Variants in NELL2 observed in about 807,000 individuals in gnomAD.
The protein encoded by NELL2 is neural EGFL like 2, also known as protein kinase C-binding protein NELL2.
NELL2 carries 41 observed loss-of-function variants against 109.6 expected under a neutral mutation model. The observed-to-expected ratio is 0.37, with a 90% CI of 0.29 to 0.49. The LOEUF (loss-of-function observed/expected upper bound fraction) is 0.49. NELL2 is among the 20% of genes least tolerant of loss of function. NELL2 has a pLI of 0.98. For synonymous variants in NELL2, 355 were observed against 344.7 expected (o/e 1.03, Z -0.33); for missense variants, 900 against 1,008.3 (o/e 0.89, Z 1.45).
intron 3 of NELL2, among the ~76,000 whole-genome samples, chr12:44,789,986 A>G (rs1385617334): frequency 6.6e-6 from 1 of 152,122 alleles, no homozygotes; most frequent in Non-Finnish European, 1.5e-5. Flanking sequence ...ATGTTAAATG[A>G]CCAAACCTAA....
upstream of NELL2, among the ~76,000 whole-genome samples, chr12:44,915,632 A>G (rs1945823184): frequency 6.6e-6 from 1 of 152,194 alleles, no homozygotes; most frequent in Non-Finnish European, 1.5e-5. Flanking sequence ...GGAGATTAAA[A>G]TTCTCTTCCC....
intron 15 of NELL2, among the ~76,000 whole-genome samples, chr12:44,568,606 T>C (rs1163232546): frequency 6.6e-6 from 1 of 152,074 alleles, no homozygotes; most frequent in Non-Finnish European, 1.5e-5. Flanking sequence ...TATATAATAA[T>C]AATAACATAA....
At chr12:44,822,566 A>C (rs540765874) in intron 2 of NELL2, among the ~76,000 whole-genome samples, 1 of 152,350 alleles carries the variant, frequency 6.6e-6, no homozygotes, top group Non-Finnish European at 1.5e-5. Flanking sequence ...TGCTCAGAGA[A>C]AGAGGCTGAG....
chr12:44,737,552 A>G (rs1939715708), intron 9 of NELL2, among the ~76,000 whole-genome samples: 1 of 152,022 alleles, frequency 6.6e-6, no homozygotes, highest in Non-Finnish European at 1.5e-5. Context: ...TTTTTGCCAC[A>G]TACTTCTTAT....
chr12:44,869,052 A>G (rs910400099), intron 2 of NELL2, among the ~76,000 whole-genome samples: 1 of 152,186 alleles, frequency 6.6e-6, no homozygotes, highest in African/African-American at 2.4e-5. Context: ...AACAAAAACA[A>G]AAGTCTCAAA....
intron 15 of NELL2, among the ~76,000 whole-genome samples, chr12:44,565,722 G>C (rs756393880): frequency 6.6e-6 from 1 of 152,156 alleles, no homozygotes; most frequent in Admixed American, 6.5e-5. Context: ...GCATAGGGTT[G>C]TAAGACTTAA....
chr12:44,811,989 C>G (rs55879818), intron 3 of NELL2, among the ~76,000 whole-genome samples: 1 of 151,880 alleles, frequency 6.6e-6, no homozygotes, highest in Non-Finnish European at 1.5e-5. Context: ...ATCTTCCCCC[C>G]AAAAAAACCC....
At chr12:44,767,118 G>A (rs1003901966) in intron 9 of NELL2, among the ~76,000 whole-genome samples, 3 of 152,050 alleles carry the variant, frequency 2.0e-5, no homozygotes, top group African/African-American at 4.8e-5. Context: ...CAGACAAAAG[G>A]GGAGGTCAAT....
intron 1 of NELL2, among the ~76,000 whole-genome samples, chr12:44,903,092 A>G (rs1044127953): frequency 3.3e-5 from 5 of 152,202 alleles, no homozygotes; most frequent in African/African-American, 1.2e-4. Context: ...AAAATAAACT[A>G]TCATCAGAGT....
chr12:44,882,343 A>G (rs1321131004), intron 1 of NELL2, among the ~76,000 whole-genome samples: 1 of 151,774 alleles, frequency 6.6e-6, no homozygotes, highest in African/African-American at 2.4e-5. Context: ...ATGTATGTAT[A>G]TATATATACA....
chr12:44,620,384 G>A (rs530676672), intron 13 of NELL2, among the ~76,000 whole-genome samples: 57 of 152,202 alleles, frequency 3.7e-4, no homozygotes, highest in Middle Eastern at 3.4e-3. Flanking sequence ...ATGCATCATT[G>A]ATCTATAGTG....
chr12:44,729,880 G>A (rs1326044440), intron 9 of NELL2, among the ~76,000 whole-genome samples: 1 of 151,984 alleles, frequency 6.6e-6, no homozygotes, highest in Non-Finnish European at 1.5e-5. Flanking sequence ...TGCAACCTCT[G>A]CCCCTTGGGT....
At position 44,539,272 on chromosome 12, in the gene NELL2, T is replaced by C. The variant is rs185939049; in HGVS notation, c.1664-6551A>G. Among the ~76,000 whole-genome samples the C allele has an allele frequency of 2.1e-3, 325 of 152,300 alleles. 1 individual carries two copies. The highest frequency in any genetic ancestry group is 3.5e-3 in the Non-Finnish European group (237 of 68,018). Reference sequence around the variant, plus strand: ...GTTCAAAAGCATTTTTAATTTGGGCTTTTTGTCCTTCCAAATAAATTTCAG... The same window carrying C: ...GTTCAAAAGCATTTTTAATTTGGGCCTTTTGTCCTTCCAAATAAATTTCAG... On this transcript the variant is annotated intron_variant, in intron 15 of 19. Coordinates refer to ENST00000429094, the MANE Select transcript of NELL2 (RefSeq NM_001145108.2).
upstream of NELL2, among the ~76,000 whole-genome samples, chr12:44,917,446 AT>A (rs1427683043): frequency 3.3e-5 from 5 of 152,140 alleles, no homozygotes; most frequent in Non-Finnish European, 7.3e-5. Flanking sequence ...GAAGGAGTTA[AT>A]ATATTGCACA....
chr12:44,621,903 A>G (rs1946074373), intron 13 of NELL2, among the ~76,000 whole-genome samples: 1 of 152,124 alleles, frequency 6.6e-6, no homozygotes, highest in South Asian at 2.1e-4. Flanking sequence ...AGCACTGAGA[A>G]TAATCCTGGT....
At chr12:44,832,209 C>T (rs1943910376) in intron 2 of NELL2, among the ~76,000 whole-genome samples, 1 of 152,104 alleles carries the variant, frequency 6.6e-6, no homozygotes, top group Admixed American at 6.5e-5. Context: ...TTTTAACCAA[C>T]CCCTGGAATC....
Position 44,761,044 on chromosome 12 carries a change from A to G in NELL2, c.994+13703T>C, listed in dbSNP as rs11182649. On this transcript the variant is annotated intron_variant, in intron 9 of 19. Transcript: ENST00000429094. ...AAATAATTAATTTTTAAAGTGGACA[A>G]CATACATGAAAAATTATTTCATAAA... 5.5e-3 allele frequency among the ~76,000 whole-genome samples: 842 copies of G among 152,366 alleles called. 11 individuals are homozygous for G. The highest frequency in any genetic ancestry group is 0.032 in the East Asian group (168 of 5,188).
At chr12:44,643,638 A>C (rs1180977847) in intron 13 of NELL2, among the ~76,000 whole-genome samples, 1 of 152,164 alleles carries the variant, frequency 6.6e-6, no homozygotes, top group African/African-American at 2.4e-5. Context: ...AAAATCATAC[A>C]TATACAAAAG....
rs1555190827 is a variant in NELL2, at chr12:44,644,594, A to ACTT, written c.1444+20889_1444+20890insAAG. 6.5e-5 allele frequency among the ~76,000 whole-genome samples: 6 copies of ACTT among 92,492 alleles called. No individual in the cohort carries two copies. The East Asian group carries it at 1.2e-3, about 18-fold the overall frequency. The allele number at this position is 92,492 out of a possible 152,430, so 60.7% of individuals were successfully genotyped here. ...GACAAAGTAAAGTATATATATATAT[A>ACTT]TATATATATGTATGTATATATATAT... On this transcript the variant is annotated intron_variant, in intron 13 of 19. Transcript: ENST00000429094.
Sources: gnomAD v4.1 joint callset for allele counts (sites outside exome capture counted in the v4.1 genomes callset) on GRCh38, gnomAD v4.1.1 for gene constraint, MANE v1.5 for transcripts, NCBI Gene and HGNC (gene_info 2026-07-23, HGNC 2026-07-21) for gene names.